Variants in SERINC1 observed in about 807,000 individuals in gnomAD.
The protein encoded by SERINC1 is serine incorporator 1.
SERINC1 carries 38 observed loss-of-function variants against 52.9 expected under a neutral mutation model. The observed-to-expected ratio is 0.72, with a 90% CI of 0.55 to 0.94. SERINC1 has a LOEUF of 0.94. Ranked by LOEUF, SERINC1 falls within the 40% of genes least tolerant of loss-of-function variation. SERINC1 has a pLI of 0.00. For missense variants in SERINC1, 471 were observed against 533.9 expected, an observed-to-expected ratio of 0.88 and a Z score of 1.16; for synonymous variants, 198 against 183.1, an observed-to-expected ratio of 1.08 and a Z score of -0.66.
chr6:122,445,377 A>T (rs1164158100), intron 9 of SERINC1, among the ~76,000 whole-genome samples, 198 bp from the exon 10 acceptor site: 1 of 152,166 alleles, frequency 6.6e-6, no homozygotes, highest in African/African-American at 2.4e-5. Context: ...CCTTTAATGG[A>T]GTAAAGTATA....
intron 2 of SERINC1, among the ~76,000 whole-genome samples, 155 bp downstream of exon 2, chr6:122,458,365 T>C (rs1324301745): frequency 2.6e-5 from 4 of 152,222 alleles, no homozygotes; most frequent in East Asian, 1.9e-4. Context: ...AACTAATGTA[T>C]ATTATCTTTT....
intron 6 of SERINC1, 62 bp downstream of exon 6, chr6:122,451,826 T>C (rs1459060559): frequency 1.5e-5 from 16 of 1,056,750 alleles, no homozygotes; most frequent in Admixed American, 3.3e-5. Context: ...GACATCATTC[T>C]AGATTTTTGA....
rs538774348 is a variant in SERINC1 at position 122,455,360 on chromosome 6, T to G, written c.371+1121A>C. Among the ~76,000 whole-genome samples, 158 of 152,014 alleles carry G rather than the reference T, an allele frequency of 1.0e-3. 2 individuals carry two copies. The highest frequency in any genetic ancestry group is 7.9e-3 in the South Asian group (38 of 4,816). ...ACACCCTTAATCTGGGTGGGCACCA[T>G]CTAATCAGCTGCCAGCAGGGCTAGA... On this transcript the variant is annotated intron_variant, in intron 3 of 9. Coordinates refer to ENST00000339697, the MANE Select transcript of SERINC1 (RefSeq NM_020755.4).
At chr6:122,454,271 C>G (rs748184892) in intron 3 of SERINC1, 41 bp from the exon 4 acceptor site, 2 of 1,038,816 alleles carry the variant, frequency 1.9e-6, no homozygotes, top group Non-Finnish European at 2.9e-6. Flanking sequence ...AATAGACATT[C>G]ATCAAATAAT....
chr6:122,449,399 A>G (rs1449556796), intron 7 of SERINC1, among the ~76,000 whole-genome samples: 1 of 152,246 alleles, frequency 6.6e-6, no homozygotes, highest in Admixed American at 6.5e-5. Context: ...CAAACACACA[A>G]ATGATAGATA....
intron 9 of SERINC1, 134 bp downstream of exon 9, chr6:122,446,636 TCTCA>T: frequency 1.6e-6 from 1 of 618,146 alleles, no homozygotes; most frequent in South Asian, 2.1e-5. Context: ...CTCATGCTGA[TCTCA>T]CTATTCATTT....
Position 122,471,739 on chromosome 6 carries a change from T to C in SERINC1, c.-2A>G. On this transcript the variant is annotated 5_prime_UTR_variant, in exon 1 of 10. Transcript: ENST00000339697. ...GCACAGCCCCAGGACGCTCCCCATC[T>C]CCACAACGTCACAAGAGCAGCGGAT... 6.2e-7 allele frequency: 1 copy of C among 1,614,062 alleles called. No homozygotes were observed. The highest frequency in any genetic ancestry group is 8.5e-7 in the Non-Finnish European group (1 of 1,179,970).
chr6:122,447,726 A>T (rs1246719299), intron 7 of SERINC1, among the ~76,000 whole-genome samples: 1 of 152,198 alleles, frequency 6.6e-6, no homozygotes, highest in Non-Finnish European at 1.5e-5. Context: ...GACAGCTTAC[A>T]CAAAAACCAG....
Position 122,462,510 on chromosome 6 carries a change from A to G in SERINC1, c.40-3829T>C, listed in dbSNP as rs1463014272. 2.0e-5 allele frequency among the ~76,000 whole-genome samples: 3 copies of G among 152,124 alleles called. No homozygotes were observed. The East Asian group carries it at 5.8e-4, about 29-fold the overall frequency. On this transcript the variant is annotated intron_variant, in intron 1 of 9. Coordinates refer to ENST00000339697, the MANE Select transcript of SERINC1 (RefSeq NM_020755.4). ...CATGGCTCACACCTGTAATCCCAGC[A>G]ATTTGGGAAGCTGAGGCAGGAGGAC...
intron 3 of SERINC1, among the ~76,000 whole-genome samples, chr6:122,455,717 T>A (rs1774981297): frequency 6.6e-6 from 1 of 152,204 alleles, no homozygotes; most frequent in African/African-American, 2.4e-5. Flanking sequence ...GAGAAAGATG[T>A]ATTTCTCACT....
intron 2 of SERINC1, among the ~76,000 whole-genome samples, chr6:122,458,282 C>A (rs1250818389): frequency 2.0e-5 from 3 of 152,092 alleles, no homozygotes; most frequent in Admixed American, 6.5e-5. Context: ...GATTCTGACA[C>A]CTGGTTAGAA....
chr6:122,457,144 T>G (rs1775012796), intron 2 of SERINC1, among the ~76,000 whole-genome samples: 1 of 152,158 alleles, frequency 6.6e-6, no homozygotes, highest in South Asian at 2.1e-4. Context: ...TTAATCACAT[T>G]CCTTAATCTC....
intron 3 of SERINC1, chr6:122,454,514 A>T: frequency 3.4e-6 from 1 of 291,092 alleles, no homozygotes; most frequent in Non-Finnish European, 6.7e-6. Context: ...AGCAAAAAAA[A>T]TCTGATAAGA....
chr6:122,465,766 A>C (rs1019612696), intron 1 of SERINC1, among the ~76,000 whole-genome samples: 1 of 152,232 alleles, frequency 6.6e-6, no homozygotes, highest in African/African-American at 2.4e-5. Flanking sequence ...GGATAGGAGA[A>C]ACTTGAAAAG....
chr6:122,446,702 C>T lies in SERINC1; in HGVS notation c.1226+72G>A, dbSNP rs1449706397. On this transcript the variant is annotated intron_variant, in intron 9 of 9. Coordinates refer to ENST00000339697, the MANE Select transcript of SERINC1 (RefSeq NM_020755.4). Reference sequence around the variant, plus strand: ...GGATAAAAAGTACTTCATATCACATCATGGTTTCACAAGAGAATCATAAAA... The same window carrying T: ...GGATAAAAAGTACTTCATATCACATTATGGTTTCACAAGAGAATCATAAAA... The T allele has an allele frequency of 1.0e-5, 10 of 998,980 alleles. No homozygotes were observed. The Admixed American group carries it at 1.5e-4, about 15-fold the overall frequency. 61.9% of individuals were successfully genotyped at this position (998,980 alleles called of 1,614,324 possible). A position where few individuals can be genotyped will look rare whatever the true frequency, so the allele number is the denominator to read the frequency against.
chr6:122,446,063 T>C lies in SERINC1; in HGVS notation c.1226+711A>G, dbSNP rs571800889. Among the ~76,000 whole-genome samples the C allele has an allele frequency of 5.3e-4, 81 of 152,120 alleles. 1 individual carries two copies. The highest frequency in any genetic ancestry group is 2.0e-3 in the African/African-American group (81 of 41,516). On this transcript the variant is annotated intron_variant, in intron 9 of 9. Transcript: ENST00000339697. ...CTGATACTGAGAGCCGCCTTACAAT[T>C]TGTTTATTAATATTATGCATTAAAA...
intron 1 of SERINC1, among the ~76,000 whole-genome samples, chr6:122,470,011 G>T (rs1775251033): frequency 6.6e-6 from 1 of 152,162 alleles, no homozygotes; most frequent in Non-Finnish European, 1.5e-5. Flanking sequence ...AGAGACAGAG[G>T]CACAAGGAAG....
chr6:122,451,776 A>AAAAAAAATATATATATATATATAT, intron 6 of SERINC1, 22 bp from the exon 7 acceptor site: 3 of 113,076 alleles, frequency 2.7e-5, no homozygotes, highest in African/African-American at 7.4e-5. Flanking sequence ...AAAAAAAAAA[A>AAAAAAAATATATATATATATATAT]ATATATATAT....
At chr6:122,455,398 CA>C (rs34890169) in intron 3 of SERINC1, among the ~76,000 whole-genome samples, 20,754 of 143,346 alleles carry the variant, frequency 0.14, 1,524 homozygotes, top group East Asian at 0.26. Flanking sequence ...ATAAAGCAGG[CA>C]AAAAAAAAAA....
Sources: gnomAD v4.1 joint callset for allele counts (sites outside exome capture counted in the v4.1 genomes callset) on GRCh38, gnomAD v4.1.1 for gene constraint, MANE v1.5 for transcripts, NCBI Gene and HGNC (gene_info 2026-07-23, HGNC 2026-07-21) for gene names.